AIF1L: variants seen among roughly 807,000 people sequenced by gnomAD.
The protein encoded by AIF1L is allograft inflammatory factor 1-like.
AIF1L carries 12 observed loss-of-function variants against 20.7 expected under a neutral mutation model. The observed-to-expected ratio is 0.58, with a 90% confidence interval of 0.37 to 0.94. The LOEUF (loss-of-function observed/expected upper bound fraction) is 0.94. Among genes scored for constraint, AIF1L ranks in the 40% least tolerant of loss-of-function variants. The pLI is 0.01. For synonymous variants in AIF1L, 76 were observed against 65.1 expected, an observed-to-expected ratio of 1.17 and a Z score of -0.81; for missense variants, 173 against 185.3, an observed-to-expected ratio of 0.93 and a Z score of 0.39.
intron 2 of AIF1L, among the ~76,000 whole-genome samples, chr9:131,106,953 C>T (rs1830765946): frequency 1.3e-5 from 2 of 152,030 alleles, no homozygotes; most frequent in Admixed American, 6.5e-5. Context: ...ATTAGCTGGA[C>T]GTGTTGGTGC....
intron 5 of AIF1L, among the ~76,000 whole-genome samples, chr9:131,119,479 C>T (rs1405324338): frequency 2.1e-5 from 3 of 139,570 alleles, no homozygotes; most frequent in South Asian, 2.3e-4. Flanking sequence ...CCAGCCTGGG[C>T]GGCAAGAACA....
At chr9:131,096,971 C>T in intron 2 of AIF1L, 108 bp downstream of exon 2, 1 of 1,255,468 alleles carries the variant, frequency 8.0e-7, no homozygotes, top group Non-Finnish European at 1.0e-6. Context: ...CCTCTTCCTT[C>T]CCTTCCCCTG....
Position 131,121,415 on chromosome 9 carries a change from C to G in AIF1L, c.*1093C>G. On this transcript the variant is annotated 3_prime_UTR_variant, in exon 6 of 6. Coordinates refer to ENST00000247291, the MANE Select transcript of AIF1L (RefSeq NM_031426.4). ...TCCCCAGATCTCTCAGAACCTTGAGCTTGGGAATTGAACTGGGGTCACCTG... is the reference window on the plus strand; with the variant it reads ...TCCCCAGATCTCTCAGAACCTTGAGGTTGGGAATTGAACTGGGGTCACCTG... 3.1e-6 allele frequency: 1 copy of G among 327,338 alleles called. No individual in the cohort carries two copies. The highest frequency in any genetic ancestry group is 5.6e-6 in the Non-Finnish European group (1 of 179,660). The allele number at this position is 327,338 out of a possible 1,614,324, so 20.3% of individuals were successfully genotyped here.
At chr9:131,111,173 T>TAAAA (rs33962374) in intron 2 of AIF1L, among the ~76,000 whole-genome samples, 1 of 138,018 alleles carries the variant, frequency 7.2e-6, no homozygotes, top group Non-Finnish European at 1.5e-5. Context: ...CAAGACTTCT[T>TAAAA]AAAAAAAAAA....
At chr9:131,115,974 CAAA>C (rs148734354) in intron 4 of AIF1L, among the ~76,000 whole-genome samples, 2 of 82,230 alleles carry the variant, frequency 2.4e-5, no homozygotes, top group Non-Finnish European at 2.6e-5. Flanking sequence ...GACTTCGTCT[CAAA>C]AAAAAAAAAA....
At position 131,111,639 on chromosome 9, in the gene AIF1L, C is replaced by T. The variant is rs1464217799; in HGVS notation, c.136C>T (p.Pro46Ser). The change falls in exon 3 of 6, where the codon CCA (proline) becomes TCA (serine). Residue 46 changes from proline to serine, a missense_variant. Pro to Ser is a moderately conservative substitution (Grantham distance 74). Transcript: ENST00000247291. ...GAAGTACAGTGATGAAGAGAACCTT[C>T]CAGAAAAGCTCACAGCCTTCAAAGG... ...DQKYSDEENL[P>S]EKLTAFKEKY... The T allele has an allele frequency of 1.2e-6, 2 of 1,613,932 alleles. No individual in the cohort carries two copies. Among genetic ancestry groups the T allele is most frequent in the Non-Finnish European group, 1.7e-6 (2 of 1,179,964 alleles).
intron 1 of AIF1L, 30 bp downstream of exon 1, chr9:131,096,690 T>A (rs897477641): frequency 2.7e-5 from 39 of 1,457,122 alleles, no homozygotes; most frequent in Non-Finnish European, 3.4e-5. Context: ...AGCAGCCACC[T>A]GTGCGCGCCG....
intron 5 of AIF1L, 56 bp from the exon 6 acceptor site, chr9:131,120,179 G>A: frequency 6.5e-7 from 1 of 1,537,130 alleles, no homozygotes; most frequent in South Asian, 1.2e-5. Context: ...CTGGATGAGG[G>A]AAGGATCCTA....
intron 2 of AIF1L, chr9:131,098,107 T>G (rs954112882): frequency 1.3e-5 from 2 of 152,722 alleles, no homozygotes; most frequent in Admixed American, 6.5e-5. Context: ...TGGTATTGCC[T>G]CTTGCCAGCA....
chr9:131,102,074 G>A (rs1343460035), intron 2 of AIF1L, among the ~76,000 whole-genome samples: 3 of 151,874 alleles, frequency 2.0e-5, no homozygotes, highest in Non-Finnish European at 2.9e-5. Context: ...CCACCACCAC[G>A]GCTAATTTTT....
chr9:131,121,082 G>T lies in AIF1L; in HGVS notation c.*760G>T, dbSNP rs1302036042. On this transcript the variant is annotated 3_prime_UTR_variant, in exon 6 of 6. Transcript: ENST00000247291. ...GTGAGGCCTGGGGTTTTGGGGGAAA[G>T]GTCAGCTCAGTGCTGTTCCACCTTT... The T allele has an allele frequency of 1.4e-6, 1 of 713,128 alleles. No homozygotes were observed. Among genetic ancestry groups the T allele is most frequent in the Non-Finnish European group, 2.6e-6 (1 of 382,944 alleles). The allele number at this position is 713,128 out of a possible 1,614,324, so 44.2% of individuals were successfully genotyped here.
chr9:131,116,066 T>G (rs1310670836), intron 4 of AIF1L, among the ~76,000 whole-genome samples: 1 of 150,906 alleles, frequency 6.6e-6, no homozygotes, highest in Non-Finnish European at 1.5e-5. Flanking sequence ...AAGACAAAAA[T>G]GCATCACCCA....
At chr9:131,119,506 GAAAAAAAAA>G (rs10612336) in intron 5 of AIF1L, among the ~76,000 whole-genome samples, 1 of 140,468 alleles carries the variant, frequency 7.1e-6, no homozygotes, top group Non-Finnish European at 1.5e-5. Context: ...TGTCTCAAAA[GAAAAAAAAA>G]AAAAAAAAGA....
intron 2 of AIF1L, chr9:131,098,378 C>T (rs1404084293): frequency 6.6e-6 from 1 of 152,436 alleles, no homozygotes; most frequent in African/African-American, 2.4e-5. Context: ...CTGCTGGGCT[C>T]CTTCCCAGAT....
intron 2 of AIF1L, among the ~76,000 whole-genome samples, chr9:131,105,625 G>A (rs975567492): frequency 1.3e-5 from 2 of 152,114 alleles, no homozygotes; most frequent in African/African-American, 4.8e-5. Flanking sequence ...GATTACAGGC[G>A]TGAACCACCA....
At chr9:131,113,219 C>T (rs1249723078) in intron 3 of AIF1L, among the ~76,000 whole-genome samples, 1 of 151,890 alleles carries the variant, frequency 6.6e-6, no homozygotes, top group African/African-American at 2.4e-5. Context: ...GTGGGGAGGC[C>T]AGGCACGGTG....
In AIF1L at chr9:131,105,226, G is replaced by A. The variant is rs757178363; in HGVS notation, c.94-6371G>A. Among the ~76,000 whole-genome samples the A allele has an allele frequency of 6.6e-5, 10 of 152,178 alleles. No homozygotes were observed. In the East Asian group the frequency reaches 9.6e-4, roughly 15 times the overall value. On this transcript the variant is annotated intron_variant, in intron 2 of 5. Transcript: ENST00000247291. ...TGGAGTCCTGTTCCTGCCACTGCCC[G>A]CCGGGCTCCCCCATCCCCTACCCAG... is the stretch of plus-strand genomic sequence containing the variant.
rs1010047903 is a variant in AIF1L, at chr9:131,123,077, G to C, written c.*2755G>C. On this transcript the variant is annotated 3_prime_UTR_variant, in exon 6 of 6. Transcript: ENST00000247291. ...TCAGGTGGATGAAGTATGTGTGTGC[G>C]TGTGCATGGGAGTGTGCGTGGACTG... 6.6e-6 allele frequency: 1 copy of C among 152,424 alleles called. No individual in the cohort carries two copies. Among genetic ancestry groups the C allele is most frequent in the Non-Finnish European group, 1.5e-5 (1 of 68,112 alleles). 9.4% of individuals were successfully genotyped at this position (152,424 alleles called of 1,614,324 possible). A position where few individuals can be genotyped will look rare whatever the true frequency, so the allele number is the denominator to read the frequency against.
chr9:131,103,579 G>A (rs1250540989), intron 2 of AIF1L, among the ~76,000 whole-genome samples: 2 of 152,228 alleles, frequency 1.3e-5, no homozygotes, highest in African/African-American at 2.4e-5. Flanking sequence ...GTGAGGTTGA[G>A]GCTGCAGTGA....
Sources: allele counts gnomAD v4.1 joint callset (sites outside exome capture counted in the v4.1 genomes callset), GRCh38; gene constraint gnomAD v4.1.1; transcripts MANE v1.5; gene names NCBI Gene and HGNC (gene_info 2026-07-23, HGNC 2026-07-21).